Variants in PLCB1 observed in about 807,000 individuals in gnomAD.
The protein encoded by PLCB1 is 1-phosphatidylinositol 4,5-bisphosphate phosphodiesterase beta-1.
A neutral mutation model predicts 161.8 loss-of-function variants in PLCB1; 46 were observed. The ratio of observed to expected loss-of-function variants is 0.28; its 90% confidence interval spans 0.22 to 0.36. The LOEUF (loss-of-function observed/expected upper bound fraction) is 0.36. PLCB1 is among the 10% of genes least tolerant of loss of function. PLCB1 has a pLI of 1.00. For synonymous variants in PLCB1, 517 were observed against 503.7 expected, an observed-to-expected ratio of 1.03 and a Z score of -0.35; for missense variants, 1,016 against 1,472.5, an observed-to-expected ratio of 0.69 and a Z score of 5.07.
intron 4 of PLCB1, among the ~76,000 whole-genome samples, chr20:8,644,714 G>GC (rs1201832635): frequency 2.6e-4 from 39 of 151,148 alleles, no homozygotes; most frequent in African/African-American, 6.6e-4. Context: ...GGGGGGGTCA[G>GC]CCCCCCGCCC....
chr20:8,548,651 T>C (rs368790389), intron 3 of PLCB1, among the ~76,000 whole-genome samples: 67 of 152,324 alleles, frequency 4.4e-4, no homozygotes, highest in Middle Eastern at 3.4e-3. Flanking sequence ...CAAATCTCTG[T>C]ATTTCAGATC....
chr20:8,454,113 C>T (rs1568682623), intron 3 of PLCB1, among the ~76,000 whole-genome samples: 1 of 152,142 alleles, frequency 6.6e-6, no homozygotes, highest in African/African-American at 2.4e-5. Context: ...GGTCTTCTCA[C>T]CTCCAGAATT....
chr20:8,443,129 G>A (rs923739240), intron 3 of PLCB1, among the ~76,000 whole-genome samples: 4 of 151,972 alleles, frequency 2.6e-5, no homozygotes, highest in Non-Finnish European at 4.4e-5. Context: ...ACAGGTGTGC[G>A]TCACCACACC....
intron 2 of PLCB1, among the ~76,000 whole-genome samples, chr20:8,182,333 G>A (rs1219535986): frequency 1.3e-5 from 2 of 152,124 alleles, no homozygotes; most frequent in African/African-American, 4.8e-5. Flanking sequence ...ACTAGGCTGG[G>A]GTTGTGAGTT....
chr20:8,791,458 T>C (rs1983754880), intron 31 of PLCB1, among the ~76,000 whole-genome samples: 2 of 152,334 alleles, frequency 1.3e-5, no homozygotes, highest in South Asian at 4.1e-4. Flanking sequence ...TAAGAAACAC[T>C]TTAATAATAA....
intron 3 of PLCB1, among the ~76,000 whole-genome samples, chr20:8,389,906 C>G (rs904998104): frequency 6.6e-6 from 1 of 152,096 alleles, no homozygotes; most frequent in African/African-American, 2.4e-5. Flanking sequence ...AGTGTTCAAC[C>G]AAGTTTCAAA....
At chr20:8,595,170 T>C (rs924460430) in intron 3 of PLCB1, among the ~76,000 whole-genome samples, 1 of 151,466 alleles carries the variant, frequency 6.6e-6, no homozygotes, top group South Asian at 2.1e-4. Context: ...TACATATGTA[T>C]ACATGTGCCA....
chr20:8,238,643 A>C (rs780361284), intron 2 of PLCB1, among the ~76,000 whole-genome samples: 29 of 152,118 alleles, frequency 1.9e-4, no homozygotes, highest in Non-Finnish European at 3.2e-4. Context: ...TGCAGGATGA[A>C]AGGGGAAAAA....
At chr20:8,858,534 C>T (rs1336281776) in intron 31 of PLCB1, among the ~76,000 whole-genome samples, 1 of 152,120 alleles carries the variant, frequency 6.6e-6, no homozygotes, top group African/African-American at 2.4e-5. Flanking sequence ...AAGTGAGATC[C>T]CTCGGGGAGT....
At chr20:8,779,746 A>G (rs2146209602) in intron 27 of PLCB1, among the ~76,000 whole-genome samples, 1 of 152,318 alleles carries the variant, frequency 6.6e-6, no homozygotes. Flanking sequence ...TAGAGTGTGT[A>G]TCATTGCCCC....
At chr20:8,333,664 C>T (rs531276265) in intron 2 of PLCB1, among the ~76,000 whole-genome samples, 9 of 152,174 alleles carry the variant, frequency 5.9e-5, no homozygotes, top group African/African-American at 2.2e-4. Flanking sequence ...AGCATCTGGC[C>T]CAAAATGTTG....
chr20:8,674,392 G>A (rs1990025367), intron 9 of PLCB1, among the ~76,000 whole-genome samples: 1 of 152,190 alleles, frequency 6.6e-6, no homozygotes, highest in African/African-American at 2.4e-5. Flanking sequence ...AAATAACCTA[G>A]AGTGGTGGCT....
chr20:8,382,411 T>A (rs1297601630), intron 3 of PLCB1, among the ~76,000 whole-genome samples: 1 of 151,106 alleles, frequency 6.6e-6, no homozygotes, highest in African/African-American at 2.4e-5. Flanking sequence ...GCCTCCTGAG[T>A]AGCTGGGACT....
At chr20:8,608,008 T>C (rs533483383) in intron 3 of PLCB1, among the ~76,000 whole-genome samples, 1 of 152,218 alleles carries the variant, frequency 6.6e-6, no homozygotes, top group African/African-American at 2.4e-5. Context: ...ATATATACAA[T>C]TTTTACTCGT....
intron 2 of PLCB1, among the ~76,000 whole-genome samples, chr20:8,299,223 G>A (rs747178231): frequency 8.5e-5 from 13 of 152,132 alleles, no homozygotes; most frequent in Non-Finnish European, 1.6e-4. Context: ...CTCTTAGTCT[G>A]TTCTCTCTAT....
At chr20:8,647,990 T>C in intron 6 of PLCB1, 37 bp downstream of exon 6, 2 of 1,444,844 alleles carry the variant, frequency 1.4e-6, no homozygotes, top group Non-Finnish European at 1.9e-6. Flanking sequence ...TTCATTTTAT[T>C]TTCCTCAAAG....
chr20:8,542,968 G>A (rs572861747), intron 3 of PLCB1, among the ~76,000 whole-genome samples: 18 of 152,306 alleles, frequency 1.2e-4, no homozygotes, highest in Admixed American at 9.8e-4. Flanking sequence ...TATGTGGCAG[G>A]CCATATCAAG....
At chr20:8,511,658 T>C (rs937259558) in intron 3 of PLCB1, among the ~76,000 whole-genome samples, 3 of 152,170 alleles carry the variant, frequency 2.0e-5, no homozygotes, top group Non-Finnish European at 2.9e-5. Context: ...AGGGGTTCCC[T>C]TTACTCCACA....
chr20:8,475,861 T>G (rs1982256167), intron 3 of PLCB1, among the ~76,000 whole-genome samples: 2 of 152,210 alleles, frequency 1.3e-5, no homozygotes, highest in Non-Finnish European at 2.9e-5. Context: ...GTATTACTAT[T>G]TCCATAACTT....
Sources: allele counts gnomAD v4.1 joint callset (sites outside exome capture counted in the v4.1 genomes callset), GRCh38; gene constraint gnomAD v4.1.1; transcripts MANE v1.5; gene names NCBI Gene and HGNC (gene_info 2026-07-23, HGNC 2026-07-21).